The following GRIK1 variants were observed in gnomAD, a reference collection of about 807,000 sequenced individuals.
The protein encoded by GRIK1 is glutamate receptor ionotropic, kainate 1.
A neutral mutation model predicts 105.7 loss-of-function variants in GRIK1; 69 were observed. That is an observed-to-expected ratio of 0.65 (90% CI 0.54 to 0.80). The LOEUF is 0.80. Among genes scored for constraint, GRIK1 ranks in the 30% least tolerant of loss-of-function variants. The probability of loss-of-function intolerance (pLI) is 0.00; values close to 1 mark genes in which losing one functional copy is unlikely to be tolerated. For synonymous variants in GRIK1, 438 were observed against 431.3 expected (o/e 1.02, Z -0.19); for missense variants, 1,109 against 1,167.3 (o/e 0.95, Z 0.73).
chr21:29,936,129 G>A (rs556809915), intron 1 of GRIK1, among the ~76,000 whole-genome samples: 5 of 152,144 alleles, frequency 3.3e-5, no homozygotes, highest in East Asian at 1.9e-4. Context: ...AGTAAATCAC[G>A]GACGTGGGAA....
At chr21:29,629,107 AC>A in intron 7 of GRIK1, among the ~76,000 whole-genome samples, 1 of 152,320 alleles carries the variant, frequency 6.6e-6, no homozygotes, top group East Asian at 1.9e-4. Flanking sequence ...AGAGGTAGAC[AC>A]ATAGAAATGT....
chr21:29,705,873 C>CTTTTTTTTTTTTTTTTTTTTTTTTTT (rs1325677911), intron 1 of GRIK1, among the ~76,000 whole-genome samples: 1 of 135,724 alleles, frequency 7.4e-6, no homozygotes. Context: ...CTTTTCTTTT[C>CTTTTTTTTTTTTTTTTTTTTTTTTTT]TTTTTTTTTT....
At chr21:29,856,303 TATC>T (rs1168172092) in intron 1 of GRIK1, among the ~76,000 whole-genome samples, 1 of 152,070 alleles carries the variant, frequency 6.6e-6, no homozygotes, top group African/African-American at 2.4e-5. Context: ...GGTGGAAAAT[TATC>T]AGCATACAGC....
intron 1 of GRIK1, among the ~76,000 whole-genome samples, chr21:29,712,732 T>G (rs1305801730): frequency 6.6e-6 from 1 of 152,210 alleles, no homozygotes; most frequent in East Asian, 1.9e-4. Context: ...TTATCTTCTT[T>G]TGCACTTATA....
chr21:29,677,594 A>C lies in GRIK1; in HGVS notation c.545-4430T>G, dbSNP rs1488620172. Among the ~76,000 whole-genome samples, 3 of 152,222 alleles carry C rather than the reference A, an allele frequency of 2.0e-5. No individual in the cohort carries two copies. The East Asian group carries it at 5.8e-4, about 29-fold the overall frequency. ...AGCATATGGAGGAGGAAAAAAAAAA[A>C]ACCTCTGCTATTTCCAGTGAGCATT... On this transcript the variant is annotated intron_variant, in intron 3 of 17. Coordinates refer to ENST00000327783, the MANE Select transcript of GRIK1 (RefSeq NM_001330994.2).
chr21:29,546,379 A>T (rs1424541380), intron 16 of GRIK1, among the ~76,000 whole-genome samples: 5 of 152,338 alleles, frequency 3.3e-5, no homozygotes, highest in Middle Eastern at 3.4e-3. Flanking sequence ...GGCATACAAA[A>T]TGTCTCTACA....
At chr21:29,560,267 T>C (rs1877992415) in intron 15 of GRIK1, among the ~76,000 whole-genome samples, 5 of 150,882 alleles carry the variant, frequency 3.3e-5, no homozygotes, top group Admixed American at 3.3e-4. Context: ...ACCAGGACCT[T>C]ATATGATACA....
At chr21:29,827,897 C>G (rs2067505498) in intron 1 of GRIK1, among the ~76,000 whole-genome samples, 1 of 151,902 alleles carries the variant, frequency 6.6e-6, no homozygotes, top group Non-Finnish European at 1.5e-5. Flanking sequence ...CTTTATTTAG[C>G]TGATGGGTCA....
At chr21:29,615,691 T>C (rs773188293) in intron 7 of GRIK1, among the ~76,000 whole-genome samples, 2 of 152,254 alleles carry the variant, frequency 1.3e-5, no homozygotes, top group Admixed American at 6.5e-5. Flanking sequence ...TTCCAAGATA[T>C]ATGTAATACT....
At chr21:29,756,957 C>T (rs2065359995) in intron 1 of GRIK1, among the ~76,000 whole-genome samples, 1 of 151,426 alleles carries the variant, frequency 6.6e-6, no homozygotes, top group Admixed American at 6.6e-5. Context: ...CTACTAAAAA[C>T]ATACAAAAAA....
At chr21:29,767,812 ATGTG>A (rs754801254) in intron 1 of GRIK1, among the ~76,000 whole-genome samples, 5 of 145,726 alleles carry the variant, frequency 3.4e-5, no homozygotes, top group Non-Finnish European at 6.0e-5. Context: ...ATTTGTATGT[ATGTG>A]TGTGTGTGTG....
intron 3 of GRIK1, among the ~76,000 whole-genome samples, chr21:29,678,369 G>A (rs1337357922): frequency 6.6e-6 from 1 of 152,200 alleles, no homozygotes; most frequent in African/African-American, 2.4e-5. Context: ...GAGAAGGCAA[G>A]TGGGAGTCTT....
intron 1 of GRIK1, among the ~76,000 whole-genome samples, chr21:29,820,691 A>G (rs949771192): frequency 6.6e-6 from 1 of 152,030 alleles, no homozygotes; most frequent in Non-Finnish European, 1.5e-5. Context: ...TAATTAAATT[A>G]AAGCCATCCT....
At chr21:29,557,131 GA>G (rs759951925) in intron 15 of GRIK1, among the ~76,000 whole-genome samples, 1 of 152,200 alleles carries the variant, frequency 6.6e-6, no homozygotes, top group Non-Finnish European at 1.5e-5. Flanking sequence ...CAATGCAAAG[GA>G]AGAGGCAAAG....
intron 1 of GRIK1, among the ~76,000 whole-genome samples, chr21:29,819,783 G>C (rs1206934054): frequency 6.6e-6 from 1 of 151,992 alleles, no homozygotes; most frequent in Non-Finnish European, 1.5e-5. Context: ...TTTTAGAATA[G>C]AGCAAGCAAG....
chr21:29,676,153 GT>G (rs2063262511), intron 3 of GRIK1, among the ~76,000 whole-genome samples: 1 of 152,266 alleles, frequency 6.6e-6, no homozygotes, highest in Non-Finnish European at 1.5e-5. Context: ...CAAAAGACTA[GT>G]TTCTAATTGG....
chr21:29,681,339 T>C (rs1274148052), intron 3 of GRIK1, among the ~76,000 whole-genome samples: 3 of 152,032 alleles, frequency 2.0e-5, no homozygotes, highest in Non-Finnish European at 4.4e-5. Context: ...CTTCCAATGG[T>C]TTACAAAGTC....
intron 7 of GRIK1, among the ~76,000 whole-genome samples, chr21:29,625,586 G>A (rs943980518): frequency 2.6e-5 from 4 of 152,154 alleles, no homozygotes; most frequent in Non-Finnish European, 4.4e-5. Context: ...AGTAACTTAA[G>A]TACTGAGGTG....
At chr21:29,732,311 C>A (rs1199695862) in intron 1 of GRIK1, among the ~76,000 whole-genome samples, 2 of 152,138 alleles carry the variant, frequency 1.3e-5, no homozygotes, top group African/African-American at 4.8e-5. Context: ...GGGCTGAAGG[C>A]AACACTATTT....
Sources: gnomAD v4.1 joint callset for allele counts (sites outside exome capture counted in the v4.1 genomes callset) on GRCh38, gnomAD v4.1.1 for gene constraint, MANE v1.5 for transcripts, NCBI Gene and HGNC (gene_info 2026-07-23, HGNC 2026-07-21) for gene names.